The following GPAM variants were observed in gnomAD, a reference collection of about 807,000 sequenced individuals.
GPAM encodes the protein glycerol-3-phosphate acyltransferase 1, mitochondrial.
In GPAM, 56 loss-of-function variants were observed where a neutral mutation model predicts 105.0. The ratio of observed to expected loss-of-function variants is 0.53; its 90% CI spans 0.43 to 0.67. GPAM has a LOEUF of 0.67. Among genes scored for constraint, GPAM ranks in the 30% least tolerant of loss-of-function variants. The pLI, the probability that GPAM is intolerant of heterozygous loss-of-function variation, is 0.00. For synonymous variants in GPAM, 368 were observed against 354.4 expected (o/e 1.04, Z -0.43); for missense variants, 855 against 989.8 (o/e 0.86, Z 1.83).
intron 1 of GPAM, among the ~76,000 whole-genome samples, chr10:112,194,290 C>T (rs1381348996): frequency 6.6e-6 from 1 of 152,204 alleles, no homozygotes; most frequent in Non-Finnish European, 1.5e-5. Context: ...GACAATCGAA[C>T]CACATTTATG....
intron 20 of GPAM, 28 bp downstream of exon 20, chr10:112,155,828 AAAGATTTT>A: frequency 7.2e-7 from 1 of 1,387,808 alleles, no homozygotes; most frequent in Non-Finnish European, 1.0e-6. Context: ...AAAAAAAAAA[AAAGATTTT>A]AAAAGAATAA....
chr10:112,189,563 T>C (rs1230294746), intron 1 of GPAM, among the ~76,000 whole-genome samples: 1 of 152,212 alleles, frequency 6.6e-6, no homozygotes, highest in South Asian at 2.1e-4. Flanking sequence ...ATCTCTTGCC[T>C]AGCTCTGAGA....
At chr10:112,192,576 C>T (rs1191739053) in intron 1 of GPAM, among the ~76,000 whole-genome samples, 1 of 152,120 alleles carries the variant, frequency 6.6e-6, no homozygotes, top group Non-Finnish European at 1.5e-5. Context: ...GAGGGAAGAG[C>T]ACAGGCCAAA....
chr10:112,199,288 A>G (rs1393662928), intron 1 of GPAM, among the ~76,000 whole-genome samples: 1 of 152,168 alleles, frequency 6.6e-6, no homozygotes, highest in Non-Finnish European at 1.5e-5. Context: ...AAGTGAAATA[A>G]GCCAGGCACA....
At position 112,166,441 on chromosome 10, in the gene GPAM, A is replaced by G. The variant is rs1847218593; in HGVS notation, c.1182T>C (p.Gly394=). ...GCTGTGCAAAATCCACTCGGACACA[A>G]CCATAGTTTTTTCGTAACATTCTAA... is the stretch of plus-strand genomic sequence containing the variant. ...GVIRMLRKNY[G]CVRVDFAQPF... is the part of the protein sequence containing the mutation. Residue 394 remains glycine, a synonymous_variant, in exon 12 of 22, where the codon GGT becomes GGC. Coordinates refer to ENST00000348367, the MANE Select transcript of GPAM (RefSeq NM_001244949.2). 8 of 1,609,898 alleles carry G rather than the reference A, an allele frequency of 5.0e-6. No homozygotes were observed. Among genetic ancestry groups the G allele is most frequent in the Non-Finnish European group, 6.8e-6 (8 of 1,176,116 alleles).
chr10:112,179,882 T>C (rs549122960), intron 4 of GPAM, among the ~76,000 whole-genome samples: 1 of 152,348 alleles, frequency 6.6e-6, no homozygotes, highest in Non-Finnish European at 1.5e-5. Context: ...ACCGAAAATA[T>C]ACCTCTCACC....
chr10:112,171,449 T>C (rs1195989517), intron 9 of GPAM, among the ~76,000 whole-genome samples: 1 of 152,208 alleles, frequency 6.6e-6, no homozygotes. Context: ...CCTTTCAAAA[T>C]ACAAACCTGA....
intron 1 of GPAM, among the ~76,000 whole-genome samples, chr10:112,204,216 C>A (rs1052188666): frequency 6.6e-6 from 1 of 151,274 alleles, no homozygotes; most frequent in Non-Finnish European, 1.5e-5. Flanking sequence ...ACAATGCTGT[C>A]TGCAAATCTC....
At chr10:112,189,572 G>A (rs974940110) in intron 1 of GPAM, among the ~76,000 whole-genome samples, 6 of 152,134 alleles carry the variant, frequency 3.9e-5, no homozygotes, top group African/African-American at 1.4e-4. Context: ...CTAGCTCTGA[G>A]AAAAGAATGA....
At chr10:112,169,046 C>T in intron 9 of GPAM, 94 bp from the exon 10 acceptor site, 1 of 830,582 alleles carries the variant, frequency 1.2e-6, no homozygotes, top group Non-Finnish European at 2.0e-6. Context: ...CAAGTGGATA[C>T]AAGCCATATG....
chr10:112,188,731 A>G (rs1295083061), upstream of GPAM, among the ~76,000 whole-genome samples: 1 of 152,214 alleles, frequency 6.6e-6, no homozygotes, highest in Non-Finnish European at 1.5e-5. Context: ...TTGTTCTGCC[A>G]TCCTACATAT....
intron 3 of GPAM, among the ~76,000 whole-genome samples, chr10:112,181,274 A>G (rs1012253935): frequency 6.6e-6 from 1 of 151,992 alleles, no homozygotes; most frequent in Admixed American, 6.5e-5. Context: ...AAACAATCCA[A>G]GAAAATGTAC....
chr10:112,154,725 C>G, intron 20 of GPAM, 38 bp from the exon 21 acceptor site: 3 of 1,403,898 alleles, frequency 2.1e-6, no homozygotes, highest in Non-Finnish European at 3.0e-6. Flanking sequence ...AATGGTTACG[C>G]TCAACAAATC....
At chr10:112,200,737 A>C (rs1008743449) in intron 1 of GPAM, among the ~76,000 whole-genome samples, 3 of 152,216 alleles carry the variant, frequency 2.0e-5, no homozygotes, top group Non-Finnish European at 4.4e-5. Flanking sequence ...AAAGGTAAGC[A>C]AACTGAAGGG....
At chr10:112,183,386 C>G (rs1043784912) in intron 1 of GPAM, among the ~76,000 whole-genome samples, 1 of 152,264 alleles carries the variant, frequency 6.6e-6, no homozygotes, top group Admixed American at 6.5e-5. Flanking sequence ...CCCTAGGGAC[C>G]CAGGCGGGCT....
chr10:112,207,696 T>C (rs1847866870), intron 1 of GPAM, among the ~76,000 whole-genome samples: 2 of 152,228 alleles, frequency 1.3e-5, no homozygotes, highest in African/African-American at 4.8e-5. Context: ...CAACCATGTT[T>C]GGCCTTCTAT....
At chr10:112,181,856 G>C (rs929239921) in intron 2 of GPAM, 43 bp from the exon 3 acceptor site, 8 of 865,414 alleles carry the variant, frequency 9.2e-6, no homozygotes, top group African/African-American at 1.6e-5. Context: ...GGAATCGAGA[G>C]AGTAAATACT....
intron 1 of GPAM, among the ~76,000 whole-genome samples, chr10:112,192,369 A>C (rs561585080): frequency 1.1e-4 from 16 of 152,366 alleles, no homozygotes; most frequent in African/African-American, 3.6e-4. Context: ...AAAGATAAAC[A>C]AACTTAAAAT....
intron 1 of GPAM, among the ~76,000 whole-genome samples, chr10:112,210,113 C>T (rs1012674824): frequency 6.6e-6 from 1 of 152,232 alleles, no homozygotes; most frequent in Non-Finnish European, 1.5e-5. Context: ...TTGGAGAACC[C>T]AGTACCACGT....
Sources: gnomAD v4.1 joint callset for allele counts (sites outside exome capture counted in the v4.1 genomes callset) on GRCh38, gnomAD v4.1.1 for gene constraint, MANE v1.5 for transcripts, NCBI Gene and HGNC (gene_info 2026-07-23, HGNC 2026-07-21) for gene names.